SNRNP200: variants seen among roughly 807,000 people sequenced by gnomAD.
The protein encoded by SNRNP200 is small nuclear ribonucleoprotein U5 subunit 200, also known as U5 small nuclear ribonucleoprotein 200 kDa helicase.
SNRNP200 carries 66 observed loss-of-function variants against 255.2 expected under a neutral mutation model. That is an observed-to-expected ratio of 0.26 (90% CI 0.21 to 0.32). The LOEUF (loss-of-function observed/expected upper bound fraction) is 0.32, where lower values mean the gene tolerates loss of function less well. SNRNP200 is among the 10% of genes least tolerant of loss of function. The probability of loss-of-function intolerance (pLI) is 1.00; values close to 1 mark genes in which losing one functional copy is unlikely to be tolerated. For synonymous variants in SNRNP200, 939 were observed against 1,027.8 expected, an observed-to-expected ratio of 0.91 and a Z score of 1.65; for missense variants, 1,585 against 2,749.8, an observed-to-expected ratio of 0.58 and a Z score of 9.47.
chr2:96,284,674 C>T, intron 30 of SNRNP200, 89 bp from the exon 31 acceptor site: 1 of 862,540 alleles, frequency 1.2e-6, no homozygotes, highest in Non-Finnish European at 2.0e-6. Context: ...GCCAAACAGA[C>T]CTGTTGACCT....
Position 96,301,585 on chromosome 2 carries a change from C to G in SNRNP200, c.513G>C (p.Val171=). The change falls in exon 4 of 45, where the codon GTG becomes GTC. Residue 171 remains valine, a synonymous_variant. Transcript: ENST00000323853. ...LGQTDDTRYH[V]LVNLGKKITD... ...TGATCTTTTTGCCCAGGTTCACTAG[C>G]ACATGGTATCTGGTATCATCTGTTT... The G allele has an allele frequency of 6.2e-7, 1 of 1,614,198 alleles. No individual in the cohort carries two copies. Among genetic ancestry groups the G allele is most frequent in the Non-Finnish European group, 8.5e-7 (1 of 1,180,044 alleles).
chr2:96,295,740 G>C, intron 13 of SNRNP200, 82 bp from the exon 14 acceptor site: 1 of 1,454,670 alleles, frequency 6.9e-7, no homozygotes, highest in Non-Finnish European at 9.5e-7. Context: ...TTGGAGTGTA[G>C]GGCATTGGGA....
At chr2:96,281,728 T>C (rs1684762668) in intron 35 of SNRNP200, 86 bp downstream of exon 35, 1 of 1,108,790 alleles carries the variant, frequency 9.0e-7, no homozygotes, top group Non-Finnish European at 1.4e-6. Context: ...CTTTTCTTCA[T>C]CCTAGCTTAC....
rs1374338750 is a variant in SNRNP200, at chr2:96,278,492, C to T, written c.5488+55G>A. ...GCGCACCTCTCATCCCAGTGGGCTC[C>T]TGACCCGTGTAAAAAGGCTCCCACA... On this transcript the variant is annotated intron_variant, in intron 38 of 44. Transcript: ENST00000323853. The surrounding 1 kb of genome is among the most constrained non-coding windows in gnomAD (Gnocchi z 6.9). 2 of 1,611,630 alleles carry T rather than the reference C, an allele frequency of 1.2e-6. No homozygotes were observed. Among genetic ancestry groups the T allele is most frequent in the Non-Finnish European group, 8.5e-7 (1 of 1,179,798 alleles).
intron 24 of SNRNP200, 107 bp from the exon 25 acceptor site, chr2:96,288,076 C>T: frequency 1.0e-6 from 1 of 1,001,490 alleles, no homozygotes; most frequent in East Asian, 2.4e-5. Context: ...CAACCACCCA[C>T]CCTAACTCAA....
chr2:96,301,900 G>A (rs1414408936), intron 3 of SNRNP200, among the ~76,000 whole-genome samples, 184 bp from the exon 4 acceptor site: 1 of 152,164 alleles, frequency 6.6e-6, no homozygotes, highest in Admixed American at 6.5e-5. Flanking sequence ...TTTTTAAAAA[G>A]ATTAGCTAGG....
At position 96,290,936 on chromosome 2, in the gene SNRNP200, G is replaced by C. The variant is rs1241864111; in HGVS notation, c.2422-121C>G. The C allele has an allele frequency of 2.6e-6, 3 of 1,140,608 alleles. No individual in the cohort carries two copies. The highest frequency in any genetic ancestry group is 5.0e-5 in the East Asian group (2 of 40,352). The allele number at this position is 1,140,608 out of a possible 1,614,324, so 70.7% of individuals were successfully genotyped here. On this transcript the variant is annotated intron_variant, in intron 18 of 44. Coordinates refer to ENST00000323853, the MANE Select transcript of SNRNP200 (RefSeq NM_014014.5). This position sits in a 1 kb window ranked among gnomAD's most constrained non-coding sequence, Gnocchi z 4.5. ...CAGGACTAGCCGGTAGGGCGCGTGGGGTCCCAGTACTTGTCAATGTGACAC... is the reference window on the plus strand; with the variant it reads ...CAGGACTAGCCGGTAGGGCGCGTGGCGTCCCAGTACTTGTCAATGTGACAC...
intron 5 of SNRNP200, among the ~76,000 whole-genome samples, chr2:96,300,682 G>A (rs555089234): frequency 5.0e-4 from 76 of 151,764 alleles, no homozygotes; most frequent in Non-Finnish European, 7.4e-4. Context: ...AGAATGGCGC[G>A]AAACCTGGGA....
intron 2 of SNRNP200, among the ~76,000 whole-genome samples, chr2:96,304,026 C>T (rs571905838): frequency 1.3e-5 from 2 of 152,150 alleles, no homozygotes; most frequent in East Asian, 3.9e-4. Flanking sequence ...GAATCTACTG[C>T]CGTTGACTAT....
In SNRNP200 at chr2:96,289,900, G is replaced by C. The variant is rs886056462; in HGVS notation, c.2839C>G (p.Pro947Ala). The C allele has an allele frequency of 6.2e-7, 1 of 1,614,130 alleles. No individual in the cohort carries two copies. ...GISHDDLKGDPLLDQRRLDLV... is the reference protein window; with the variant it reads ...GISHDDLKGDALLDQRRLDLV... Reference sequence around the variant, plus strand: ...TCTAGTCGGCGCTGGTCCAGCAGGGGATCTCCCTTGAGGTCATCATGAGAG... The same window carrying C: ...TCTAGTCGGCGCTGGTCCAGCAGGGCATCTCCCTTGAGGTCATCATGAGAG... The change falls in exon 21 of 45, where the codon CCC becomes GCC. Residue 947 changes from proline to alanine, a missense_variant. Physicochemically the swap from Pro to Ala is conservative, Grantham distance 27 (BLOSUM62 -1). Around this residue, in one of 9 missense-constraint regions of SNRNP200, gnomAD observed 719 missense variants for 1,091.1 expected, o/e 0.66. Transcript: ENST00000323853.
At position 96,283,150 on chromosome 2, in the gene SNRNP200, C is replaced by A. The variant is rs1187635700; in HGVS notation, c.4915+51G>T. ...CCACCCGCACCCCTCAAGTTTAACA[C>A]CACCACTTGGTGATACCCTTGCTAT... On this transcript the variant is annotated intron_variant, in intron 34 of 44. Transcript: ENST00000323853. The surrounding 1 kb of genome is among the most constrained non-coding windows in gnomAD (Gnocchi z 4.7). 3.7e-6 allele frequency: 6 copies of A among 1,609,542 alleles called. No homozygotes were observed. In the African/African-American group the frequency reaches 6.7e-5, roughly 18 times the overall value.
At chr2:96,289,706 C>T in intron 21 of SNRNP200, 93 bp downstream of exon 21, 1 of 1,075,736 alleles carries the variant, frequency 9.3e-7, no homozygotes, top group East Asian at 2.4e-5. Flanking sequence ...ATTAGATAGG[C>T]AGTACTCACA....
In SNRNP200 at chr2:96,291,096, G is replaced by A. The variant is rs1000673919; in HGVS notation, c.2422-281C>T. On this transcript the variant is annotated intron_variant, in intron 18 of 44. Transcript: ENST00000323853. This position sits in a 1 kb window ranked among gnomAD's most constrained non-coding sequence, Gnocchi z 4.2. ...AGAAAAGGTAAAACAGAGCCTATCC[G>A]GAAAGAGGGAACGACAAGGGCACGC... Among the ~76,000 whole-genome samples the A allele has an allele frequency of 2.0e-5, 3 of 152,118 alleles. No homozygotes were observed. Among genetic ancestry groups the A allele is most frequent in the Non-Finnish European group, 4.4e-5 (3 of 68,036 alleles).
chr2:96,279,917 GTT>G (rs1009087029), intron 35 of SNRNP200: 6 of 323,532 alleles, frequency 1.9e-5, no homozygotes, highest in African/African-American at 1.3e-4. Flanking sequence ...GTTTTTATTT[GTT>G]TTTTGATACA....
rs1444949019 is a variant in SNRNP200 at position 96,291,282 on chromosome 2, G to A, written c.2421+110C>T. 1 of 785,568 alleles carries A rather than the reference G, an allele frequency of 1.3e-6. No homozygotes were observed. The highest frequency in any genetic ancestry group is 2.3e-6 in the Non-Finnish European group (1 of 431,264). 48.7% of individuals were successfully genotyped at this position (785,568 alleles called of 1,614,324 possible). ...CACCACAACCCTCTGACCTGGGCTA[G>A]CTGGGCCAGAAGCAATAAAGTACCA... On this transcript the variant is annotated intron_variant, in intron 18 of 44. Coordinates refer to ENST00000323853, the MANE Select transcript of SNRNP200 (RefSeq NM_014014.5). This position sits in a 1 kb window ranked among gnomAD's most constrained non-coding sequence, Gnocchi z 4.2.
At chr2:96,275,193 A>T (rs1372932218) in intron 44 of SNRNP200, 38 bp from the exon 45 acceptor site, 2 of 1,614,190 alleles carry the variant, frequency 1.2e-6, no homozygotes, top group Non-Finnish European at 1.7e-6. Flanking sequence ...GAGCATGGAC[A>T]CAGGAAGCAT....
intron 30 of SNRNP200, 164 bp from the exon 31 acceptor site, chr2:96,284,749 CTTTTTTTT>C: frequency 1.8e-6 from 1 of 552,536 alleles, no homozygotes; most frequent in African/African-American, 2.0e-5. Flanking sequence ...GCAGCTTTTT[CTTTTTTTT>C]TTTTCTTTTG....
Position 96,278,103 on chromosome 2 carries a change from A to T in SNRNP200, c.5610+134T>A. The T allele has an allele frequency of 6.6e-7, 1 of 1,522,578 alleles. No individual in the cohort carries two copies. The highest frequency in any genetic ancestry group is 9.1e-7 in the Non-Finnish European group (1 of 1,100,140). The allele number at this position is 1,522,578 out of a possible 1,614,324, so 94.3% of individuals were successfully genotyped here. A position where few individuals can be genotyped will look rare whatever the true frequency, so the allele number is the denominator to read the frequency against. On this transcript the variant is annotated intron_variant, in intron 39 of 44. Transcript: ENST00000323853. The surrounding 1 kb of genome is among the most constrained non-coding windows in gnomAD (Gnocchi z 6.9). ...GGATGGAGATGGGTTTGAGGGAGGTATGGAGCGGGAGGACATATGGCGGGG... is the reference window on the plus strand; with the variant it reads ...GGATGGAGATGGGTTTGAGGGAGGTTTGGAGCGGGAGGACATATGGCGGGG...
rs1558766916 is a variant in SNRNP200 at position 96,287,589 on chromosome 2, C to T, written c.3366-32G>A. 1 of 1,526,176 alleles carries T rather than the reference C, an allele frequency of 6.6e-7. No homozygotes were observed. Among genetic ancestry groups the T allele is most frequent in the Non-Finnish European group, 9.1e-7 (1 of 1,099,772 alleles). The allele number at this position is 1,526,176 out of a possible 1,614,324, so 94.5% of individuals were successfully genotyped here. A position where few individuals can be genotyped will look rare whatever the true frequency, so the allele number is the denominator to read the frequency against. On this transcript the variant is annotated intron_variant, in intron 25 of 44. Coordinates refer to ENST00000323853, the MANE Select transcript of SNRNP200 (RefSeq NM_014014.5). The surrounding 1 kb of genome is among the most constrained non-coding windows in gnomAD (Gnocchi z 5.7). ...AGGAAGGAGGCAAAGCTGTTGGTCC[C>T]TTCTGCAGGGATGTGACAAACCACC...
Sources: gnomAD v4.1 joint callset for allele counts (sites outside exome capture counted in the v4.1 genomes callset) on GRCh38, gnomAD v4.1.1 for gene constraint, gnomAD v4.1.1 regional missense constraint, Gnocchi (gnomAD v3.1) non-coding constraint, MANE v1.5 for transcripts, NCBI Gene and HGNC (gene_info 2026-07-23, HGNC 2026-07-21) for gene names.